The following MEST variants were observed in gnomAD, a reference collection of about 807,000 sequenced individuals.
MEST encodes mesoderm-specific transcript homolog protein.
Under a neutral mutation model 50.9 loss-of-function variants are expected in MEST, and 18 were observed. The ratio of observed to expected loss-of-function variants is 0.35; its 90% confidence interval spans 0.24 to 0.52. MEST has a LOEUF of 0.52. Ranked by LOEUF, MEST falls within the 20% of genes least tolerant of loss-of-function variation. The probability of loss-of-function intolerance (pLI) is 0.94; values close to 1 mark genes in which losing one functional copy is unlikely to be tolerated. For synonymous variants in MEST, 130 were observed against 154.1 expected, an observed-to-expected ratio of 0.84 and a Z score of 1.16; for missense variants, 282 against 425.3, an observed-to-expected ratio of 0.66 and a Z score of 2.96.
In MEST at chr7:130,498,198, T is replaced by C. The variant is rs1230409607; in HGVS notation, c.399T>C (p.His133=). ...GCATCGTGGAAGCGCTTTTGCGGCA[T>C]CTGGGGCTCCAGAACCGCAGGATCA... ...QASIVEALLR[H]LGLQNRRINL... is the part of the protein sequence containing the mutation. Residue 133 remains histidine, a synonymous_variant, in exon 5 of 12, where the codon CAT becomes CAC. Transcript: ENST00000223215. 5 of 1,614,078 alleles carry C rather than the reference T, an allele frequency of 3.1e-6. No homozygotes were observed. The highest frequency in any genetic ancestry group is 1.1e-5 in the South Asian group (1 of 91,086).
At chr7:130,491,024 CT>C (rs1554435019), upstream of MEST, 1 of 152,298 alleles carries the variant, frequency 6.6e-6, no homozygotes. This position sits in a 1 kb window ranked among gnomAD's most constrained non-coding sequence, Gnocchi z 6.8. Context: ...GCAGCGCCCC[CT>C]CTGGATGCAG....
intron 10 of MEST, 149 bp from the exon 11 acceptor site, chr7:130,503,784 C>A (rs1799367295): frequency 3.3e-6 from 2 of 607,108 alleles, no homozygotes; most frequent in Non-Finnish European, 5.9e-6. Context: ...CCACTGCACT[C>A]CAGCCTGAGC....
intron 1 of MEST, chr7:130,494,493 G>A (rs959719576): frequency 1.3e-5 from 2 of 152,120 alleles, no homozygotes; most frequent in East Asian, 3.8e-4. Flanking sequence ...GGCATGGGAG[G>A]GTTGGGTGTA....
chr7:130,493,672 G>A (rs1449016587), intron 1 of MEST, among the ~76,000 whole-genome samples: 2 of 152,116 alleles, frequency 1.3e-5, no homozygotes, highest in Non-Finnish European at 2.9e-5. Flanking sequence ...CTCCCCATTT[G>A]CCGCTCTGGC....
chr7:130,500,715 C>T lies in MEST; in HGVS notation c.648-74C>T. 2.2e-6 allele frequency: 3 copies of T among 1,344,028 alleles called. No individual in the cohort carries two copies. The highest frequency in any genetic ancestry group is 3.1e-6 in the Non-Finnish European group (3 of 965,328). The allele number at this position is 1,344,028 out of a possible 1,614,324, so 83.3% of individuals were successfully genotyped here. ...GACTGCATGGCCCAGACTGCATGGC[C>T]TCTGAGGTTCCAGCCATATTGAACA... On this transcript the variant is annotated intron_variant, in intron 8 of 11. Coordinates refer to ENST00000223215, the MANE Select transcript of MEST (RefSeq NM_002402.4). The surrounding 1 kb of genome is among the most constrained non-coding windows in gnomAD (Gnocchi z 5.0).
Position 130,500,363 on chromosome 7 carries a change from A to T in MEST, c.577-99A>T. 2.0e-6 allele frequency: 2 copies of T among 1,002,498 alleles called. No homozygotes were observed. Among genetic ancestry groups the T allele is most frequent in the Non-Finnish European group, 1.5e-6 (1 of 674,364 alleles). 62.1% of individuals were successfully genotyped at this position (1,002,498 alleles called of 1,614,324 possible). Reference sequence around the variant, plus strand: ...AAGTACCAAACCATTCAGTAGCAGGAGATTTGGCTAAAGATTTAGTTCCTA... The same window carrying T: ...AAGTACCAAACCATTCAGTAGCAGGTGATTTGGCTAAAGATTTAGTTCCTA... On this transcript the variant is annotated intron_variant, in intron 7 of 11. Coordinates refer to ENST00000223215, the MANE Select transcript of MEST (RefSeq NM_002402.4). The surrounding 1 kb of genome is among the most constrained non-coding windows in gnomAD (Gnocchi z 5.0).
In MEST at chr7:130,500,356, T is replaced by C. The variant is rs1034937496; in HGVS notation, c.577-106T>C. On this transcript the variant is annotated intron_variant, in intron 7 of 11. Coordinates refer to ENST00000223215, the MANE Select transcript of MEST (RefSeq NM_002402.4). The surrounding 1 kb of genome is among the most constrained non-coding windows in gnomAD (Gnocchi z 5.0). ...AAATGCCAAGTACCAAACCATTCAG[T>C]AGCAGGAGATTTGGCTAAAGATTTA... 5.1e-5 allele frequency: 48 copies of C among 937,988 alleles called. No individual in the cohort carries two copies. The highest frequency in any genetic ancestry group is 7.1e-5 in the Non-Finnish European group (44 of 618,608). The allele number at this position is 937,988 out of a possible 1,614,324, so 58.1% of individuals were successfully genotyped here.
Position 130,497,700 on chromosome 7 carries a change from T to C in MEST, c.262-236T>C, listed in dbSNP as rs541179703. The C allele has an allele frequency of 1.1e-5, 6 of 561,694 alleles. No homozygotes were observed. Among genetic ancestry groups the C allele is most frequent in the African/African-American group, 9.4e-5 (5 of 53,328 alleles). The allele number at this position is 561,694 out of a possible 1,614,324, so 34.8% of individuals were successfully genotyped here. ...TTATTTACTGAAGGGAATAAACAAC[T>C]CCTTGGCACTCTGGAAGGGATCACT... On this transcript the variant is annotated intron_variant, in intron 3 of 11. Coordinates refer to ENST00000223215, the MANE Select transcript of MEST (RefSeq NM_002402.4). The surrounding 1 kb of genome is among the most constrained non-coding windows in gnomAD (Gnocchi z 4.0).
chr7:130,490,629 GC>G (rs1798767905), upstream of MEST, among the ~76,000 whole-genome samples: 1 of 152,194 alleles, frequency 6.6e-6, no homozygotes, highest in South Asian at 2.1e-4. Flanking sequence ...TGGGTCAACT[GC>G]CACAAACGTC....
chr7:130,499,952 T>G, intron 7 of MEST, 37 bp downstream of exon 7: 2 of 1,571,374 alleles, frequency 1.3e-6, no homozygotes, highest in Non-Finnish European at 8.7e-7. Flanking sequence ...GTTTTAGGAT[T>G]TGTACTGACG....
intron 6 of MEST, 56 bp from the exon 7 acceptor site, chr7:130,499,819 T>TATA: frequency 8.3e-7 from 1 of 1,203,168 alleles, no homozygotes; most frequent in Non-Finnish European, 1.1e-6. Flanking sequence ...CCCGTCTCTA[T>TATA]AAAAAAAAAA....
chr7:130,496,994 A>G, intron 2 of MEST, 162 bp from the exon 3 acceptor site: 1 of 532,502 alleles, frequency 1.9e-6, no homozygotes, highest in Non-Finnish European at 3.4e-6. Flanking sequence ...GCCTGTTCTC[A>G]CCTAACGCAG....
In MEST at chr7:130,499,892, C is replaced by G. The variant is rs781854018; in HGVS notation, c.553C>G (p.His185Asp). 7 of 1,612,554 alleles carry G rather than the reference C, an allele frequency of 4.3e-6. No individual in the cohort carries two copies. Among genetic ancestry groups the G allele is most frequent in the Non-Finnish European group, 5.9e-6 (7 of 1,179,280 alleles). The change falls in exon 7 of 12, where the codon CAC becomes GAC. Residue 185 changes from histidine (H) to aspartate (D), a missense_variant. By Grantham distance (81) the His-to-Asp change is moderately conservative. Transcript: ENST00000223215. ...LSNGGIFPETHRPLLLQKLLK... is the reference protein window; with the variant it reads ...LSNGGIFPETDRPLLLQKLLK... ...TTCTACAGGTATCTTTCCTGAGACT[C>G]ACCGTCCACTCCTTCTCCAAAAGGT... is the stretch of plus-strand genomic sequence containing the variant.
rs782445616 is a variant in MEST at position 130,502,628 on chromosome 7, C to T, written c.750-16C>T. The T allele has an allele frequency of 5.6e-6, 9 of 1,608,806 alleles. No homozygotes were observed. In the South Asian group the frequency reaches 8.8e-5, roughly 16 times the overall value. ...AGGTTTCTTGTTCTGCACATGCTGACTTACCTGTCCTACAGTCTCTTACAG... is the reference window on the plus strand; with the variant it reads ...AGGTTTCTTGTTCTGCACATGCTGATTTACCTGTCCTACAGTCTCTTACAG... On this transcript the variant is annotated splice_polypyrimidine_tract_variant and intron_variant, in intron 9 of 11. Transcript: ENST00000223215.
At chr7:130,504,833 C>G in intron 11 of MEST, 106 bp from the exon 12 acceptor site, 1 of 742,342 alleles carries the variant, frequency 1.3e-6, no homozygotes, top group Non-Finnish European at 2.3e-6. Context: ...TTGGTGGCTC[C>G]TTCCAGTGTG....
upstream of MEST, among the ~76,000 whole-genome samples, chr7:130,490,455 C>T (rs1798759664): frequency 6.6e-6 from 1 of 152,208 alleles, no homozygotes. Flanking sequence ...TTCGCCCCTC[C>T]CCTTAATTAC....
At chr7:130,503,895 A>C in intron 10 of MEST, 38 bp from the exon 11 acceptor site, 5 of 1,474,190 alleles carry the variant, frequency 3.4e-6, no homozygotes, top group Non-Finnish European at 4.7e-6. Flanking sequence ...AACAGATGTG[A>C]GAGCTGTTAA....
chr7:130,498,541 G>A (rs1554437809), intron 6 of MEST, 64 bp downstream of exon 6: 16 of 1,394,070 alleles, frequency 1.1e-5, no homozygotes, highest in South Asian at 5.8e-5. Context: ...TAGATACAGC[G>A]GCACCTAAAT....
At chr7:130,496,156 A>G (rs1375903964) in intron 2 of MEST, 3 of 468,318 alleles carry the variant, frequency 6.4e-6, no homozygotes, top group Non-Finnish European at 1.3e-5. Context: ...TGTTTGTCAT[A>G]AACCGTTTTT....
Sources: allele counts gnomAD v4.1 joint callset (sites outside exome capture counted in the v4.1 genomes callset), GRCh38; gene constraint gnomAD v4.1.1; non-coding constraint Gnocchi (gnomAD v3.1); transcripts MANE v1.5; gene names NCBI Gene and HGNC (gene_info 2026-07-23, HGNC 2026-07-21).